Variants in SYNE2 observed in about 807,000 individuals in gnomAD.
SYNE2 encodes the protein spectrin repeat containing nuclear envelope protein 2.
Under a neutral mutation model 856.3 loss-of-function variants are expected in SYNE2, and 431 were observed. That is an observed-to-expected ratio of 0.50 (90% CI 0.47 to 0.55). The LOEUF is 0.55. Among genes scored for constraint, SYNE2 ranks in the 20% least tolerant of loss-of-function variants. The pLI is 0.00. For synonymous variants in SYNE2, 2,923 were observed against 2,872.3 expected (o/e 1.02, Z -0.56); for missense variants, 8,129 against 8,023.2 (o/e 1.01, Z -0.50).
intron 1 of SYNE2, among the ~76,000 whole-genome samples, chr14:63,879,799 T>A (rs1267767919): frequency 1.3e-5 from 2 of 152,222 alleles, no homozygotes. Context: ...ATTCTTCAAT[T>A]AGTCTGAAAA....
chr14:63,983,292 A>G (rs1255899), intron 17 of SYNE2, among the ~76,000 whole-genome samples: 79,171 of 152,062 alleles, frequency 0.52, 21,655 homozygotes, highest in African/African-American at 0.7. Context: ...GGACATTCAT[A>G]TGGACACATG....
chr14:63,777,316 T>C (rs369542133), intron 1 of SYNE2, among the ~76,000 whole-genome samples: 32 of 152,332 alleles, frequency 2.1e-4, no homozygotes, highest in African/African-American at 7.2e-4. Flanking sequence ...GCAACTAAAT[T>C]ATTATGAATG....
At chr14:63,801,763 C>T (rs986955267) in intron 1 of SYNE2, among the ~76,000 whole-genome samples, 1 of 151,542 alleles carries the variant, frequency 6.6e-6, no homozygotes, top group African/African-American at 2.4e-5. Flanking sequence ...TTAATTTATT[C>T]GTCTTAAGAA....
chr14:64,125,840 C>T (rs766995351), intron 71 of SYNE2, among the ~76,000 whole-genome samples: 8 of 152,134 alleles, frequency 5.3e-5, no homozygotes, highest in Non-Finnish European at 1.2e-4. Context: ...GACACTTTCC[C>T]CCTCCTCTGC....
chr14:64,134,779 C>A (rs895878614), intron 78 of SYNE2, among the ~76,000 whole-genome samples: 1 of 151,716 alleles, frequency 6.6e-6, no homozygotes, highest in Non-Finnish European at 1.5e-5. Context: ...GAGTTTGAGA[C>A]CAGCCTGGGC....
At chr14:64,212,736 C>A in intron 104 of SYNE2, 75 bp from the exon 105 acceptor site, 2 of 1,340,638 alleles carry the variant, frequency 1.5e-6, no homozygotes, top group South Asian at 1.2e-5. Context: ...TTTTCTATGG[C>A]CCTGTTAGAA....
chr14:64,188,848 G>A (rs574629033), intron 98 of SYNE2, 140 bp downstream of exon 98: 13 of 884,352 alleles, frequency 1.5e-5, no homozygotes, highest in African/African-American at 6.6e-5. Context: ...CACTATTTTC[G>A]ATCCTTTTGA....
intron 8 of SYNE2, chr14:63,960,865 A>T: frequency 1.5e-6 from 1 of 658,448 alleles, no homozygotes; most frequent in Non-Finnish European, 2.8e-6. Context: ...GACAACATAG[A>T]GAGACCCTGT....
At chr14:64,088,491 C>T (rs988455216) in intron 58 of SYNE2, among the ~76,000 whole-genome samples, 5 of 152,150 alleles carry the variant, frequency 3.3e-5, no homozygotes, top group Non-Finnish European at 5.9e-5. Context: ...GGGCGTGGTG[C>T]CCAGCACGGT....
Position 64,221,723 on chromosome 14 carries a change from G to T in SYNE2, c.20190+19G>T. On this transcript the variant is annotated intron_variant, in intron 112 of 115. Transcript: ENST00000555002. ...ACTAATGGTAAGTTTCCTCCCAAGG[G>T]CTCTGTACTGCCACCAGCCTCTGTC... The T allele has an allele frequency of 1.2e-6, 2 of 1,613,004 alleles. No homozygotes were observed. Among genetic ancestry groups the T allele is most frequent in the Non-Finnish European group, 8.5e-7 (1 of 1,179,466 alleles).
At chr14:63,884,521 G>GT (rs2094937281) in intron 1 of SYNE2, among the ~76,000 whole-genome samples, 1 of 152,126 alleles carries the variant, frequency 6.6e-6, no homozygotes, top group African/African-American at 2.4e-5. Flanking sequence ...GACAAGTGTG[G>GT]TAGATACACT....
chr14:63,974,890 G>GTGTATATATATA (rs1555407340), intron 11 of SYNE2, among the ~76,000 whole-genome samples: 3 of 27,504 alleles, frequency 1.1e-4, no homozygotes, highest in African/African-American at 3.6e-4. Flanking sequence ...GTGTGTGTGT[G>GTGTATATATATA]TGTATATATA....
intron 101 of SYNE2, 126 bp from the exon 102 acceptor site, chr14:64,209,302 T>C (rs2098627778): frequency 2.7e-6 from 4 of 1,490,690 alleles, no homozygotes; most frequent in Admixed American, 3.7e-5. Context: ...GTGGCGTCCC[T>C]CTTATTTCCC....
intron 1 of SYNE2, among the ~76,000 whole-genome samples, chr14:63,903,053 ACTTTT>A (rs1227108547): frequency 3.3e-5 from 5 of 151,876 alleles, no homozygotes; most frequent in Admixed American, 6.6e-5. Flanking sequence ...GTTCCTTGGA[ACTTTT>A]CTTTTCTACT....
chr14:64,039,323 G>A (rs779231868), intron 45 of SYNE2, among the ~76,000 whole-genome samples: 1 of 152,228 alleles, frequency 6.6e-6, no homozygotes, highest in East Asian at 1.9e-4. Flanking sequence ...GGATAGTGAA[G>A]GTTACTGACT....
intron 43 of SYNE2, among the ~76,000 whole-genome samples, chr14:64,029,649 G>T (rs528290352): frequency 4.7e-4 from 63 of 134,964 alleles, no homozygotes; most frequent in African/African-American, 1.6e-3. Flanking sequence ...CTTCATGAAG[G>T]GGAAATGAAG....
chr14:64,076,905 G>T (rs188907177), intron 54 of SYNE2, among the ~76,000 whole-genome samples: 2 of 151,954 alleles, frequency 1.3e-5, no homozygotes, highest in African/African-American at 4.8e-5. Context: ...AACTCTTAAC[G>T]TATATTTATA....
chr14:63,892,475 C>G (rs1198662232), intron 1 of SYNE2, among the ~76,000 whole-genome samples: 2 of 150,328 alleles, frequency 1.3e-5, no homozygotes, highest in East Asian at 3.9e-4. Flanking sequence ...GCATTTTTAC[C>G]TTAAAATACA....
chr14:63,791,739 T>G (rs1016370067), intron 1 of SYNE2, among the ~76,000 whole-genome samples: 2 of 151,934 alleles, frequency 1.3e-5, no homozygotes, highest in East Asian at 3.9e-4. Context: ...GTCAGGAGAT[T>G]GAGACCATCC....
Sources: gnomAD v4.1 joint callset for allele counts (sites outside exome capture counted in the v4.1 genomes callset) on GRCh38, gnomAD v4.1.1 for gene constraint, MANE v1.5 for transcripts, NCBI Gene and HGNC (gene_info 2026-07-23, HGNC 2026-07-21) for gene names.